Variants in PPP4R3B observed in about 807,000 individuals in gnomAD.
PPP4R3B encodes protein phosphatase 4 regulatory subunit 3B, also known as serine/threonine-protein phosphatase 4 regulatory subunit 3B.
A neutral mutation model predicts 95.4 loss-of-function variants in PPP4R3B; 52 were observed. That is an observed-to-expected ratio of 0.54 (90% confidence interval 0.44 to 0.69). The LOEUF is 0.69. Ranked by LOEUF, PPP4R3B falls within the 30% of genes least tolerant of loss-of-function variation. The pLI, the probability that PPP4R3B is intolerant of heterozygous loss-of-function variation, is 0.00. For missense variants in PPP4R3B, 1,003 were observed against 1,005.9 expected (o/e 1.00, Z 0.04); for synonymous variants, 407 against 343.9 (o/e 1.18, Z -2.03).
intron 9 of PPP4R3B, 128 bp from the exon 10 acceptor site, chr2:55,578,470 T>A: frequency 1.1e-6 from 1 of 930,958 alleles, no homozygotes; most frequent in Non-Finnish European, 1.4e-6. Flanking sequence ...AAAAATGCAT[T>A]ATTTTCATTT....
rs182631918 is a variant in PPP4R3B, at chr2:55,597,945, C to A, written c.921+471G>T. Among the ~76,000 whole-genome samples the A allele has an allele frequency of 2.3e-3, 350 of 152,024 alleles. 1 individual carries two copies. The highest frequency in any genetic ancestry group is 8.0e-3 in the African/African-American group (332 of 41,476). ...AAAATATAAAAGGCTGGGCTGGGCGCGGTGGCTCACGCCTATAATCCCAGC... is the reference window on the plus strand; with the variant it reads ...AAAATATAAAAGGCTGGGCTGGGCGAGGTGGCTCACGCCTATAATCCCAGC... On this transcript the variant is annotated intron_variant, in intron 4 of 16. Transcript: ENST00000616407.
intron 16 of PPP4R3B, among the ~76,000 whole-genome samples, chr2:55,558,113 C>G (rs575842417): frequency 5.3e-5 from 8 of 152,206 alleles, no homozygotes; most frequent in African/African-American, 1.9e-4. Flanking sequence ...ACTGGCAAAG[C>G]TGCAATTGGC....
intron 4 of PPP4R3B, chr2:55,591,686 A>T: frequency 1.0e-6 from 1 of 982,450 alleles, no homozygotes; most frequent in Non-Finnish European, 1.2e-6. Flanking sequence ...TTGTGAGCTG[A>T]TAAGTAGAAC....
intron 4 of PPP4R3B, chr2:55,591,414 A>G (rs1362480422): frequency 3.7e-6 from 2 of 546,154 alleles, no homozygotes; most frequent in Non-Finnish European, 4.7e-6. Flanking sequence ...AAGTGCTAGG[A>G]CTACAGGCAT....
intron 4 of PPP4R3B, among the ~76,000 whole-genome samples, chr2:55,594,159 G>A (rs6745650): frequency 0.091 from 13,799 of 152,092 alleles, 2,136 homozygotes; most frequent in African/African-American, 0.31. Context: ...GGGGTAGGAT[G>A]GGAGAGGACT....
intron 10 of PPP4R3B, 134 bp from the exon 11 acceptor site, chr2:55,577,490 G>C: frequency 1.0e-6 from 1 of 971,820 alleles, no homozygotes; most frequent in Non-Finnish European, 1.3e-6. Flanking sequence ...TAAAGACTTG[G>C]TTGCTTCAGC....
At chr2:55,577,480 T>C in intron 10 of PPP4R3B, 124 bp from the exon 11 acceptor site, 1 of 1,043,334 alleles carries the variant, frequency 9.6e-7, no homozygotes. Flanking sequence ...AAAATAACCA[T>C]AAAGACTTGG....
intron 9 of PPP4R3B, among the ~76,000 whole-genome samples, 180 bp from the exon 10 acceptor site, chr2:55,578,522 G>C (rs1689002166): frequency 6.6e-6 from 1 of 151,932 alleles, no homozygotes; most frequent in African/African-American, 2.4e-5. Flanking sequence ...TCTGCGATGT[G>C]CTTTTGTACC....
At chr2:55,613,457 T>A (rs1004982378) in intron 2 of PPP4R3B, among the ~76,000 whole-genome samples, 4 of 152,152 alleles carry the variant, frequency 2.6e-5, no homozygotes, top group African/African-American at 7.2e-5. Flanking sequence ...GTAATTTTTT[T>A]AAATAATGCA....
At chr2:55,609,413 G>A (rs370809500) in intron 2 of PPP4R3B, among the ~76,000 whole-genome samples, 87 of 152,144 alleles carry the variant, frequency 5.7e-4, no homozygotes, top group African/African-American at 1.9e-3. Flanking sequence ...TGGGTGTGAC[G>A]ACTCATGTCT....
At chr2:55,601,374 C>T (rs1009230930) in intron 3 of PPP4R3B, among the ~76,000 whole-genome samples, 1 of 151,676 alleles carries the variant, frequency 6.6e-6, no homozygotes, top group Non-Finnish European at 1.5e-5. Context: ...ACCAGACCAA[C>T]TGTCTTTTTC....
intron 13 of PPP4R3B, 99 bp downstream of exon 13, chr2:55,568,095 A>G: frequency 1.3e-6 from 1 of 782,654 alleles, no homozygotes. Flanking sequence ...TTCAGGGGTG[A>G]AAAGGGAATG....
At chr2:55,583,943 T>C (rs969001193) in intron 7 of PPP4R3B, among the ~76,000 whole-genome samples, 4 of 152,170 alleles carry the variant, frequency 2.6e-5, no homozygotes, top group African/African-American at 7.2e-5. Context: ...TGGTGGCTCA[T>C]GCCTTTAATC....
At position 55,595,229 on chromosome 2, in the gene PPP4R3B, G is replaced by T. The variant is rs190731306; in HGVS notation, c.921+3187C>A. Among the ~76,000 whole-genome samples, 41 of 151,848 alleles carry T rather than the reference G, an allele frequency of 2.7e-4. No individual in the cohort carries two copies. The East Asian group carries it at 5.5e-3, about 20-fold the overall frequency. On this transcript the variant is annotated intron_variant, in intron 4 of 16. Coordinates refer to ENST00000616407, the MANE Select transcript of PPP4R3B (RefSeq NM_001122964.3). ...AGTAGAGATGGAGTTTCGCCATGTT[G>T]GTCAGGCTGGTCTCAAACTCCTGAC...
intron 2 of PPP4R3B, chr2:55,615,237 T>A (rs1694726125): frequency 3.9e-6 from 2 of 506,716 alleles, no homozygotes; most frequent in Non-Finnish European, 7.0e-6. Flanking sequence ...CATCTTAGAA[T>A]AAACCGACAG....
chr2:55,608,771 C>T (rs998303098), intron 2 of PPP4R3B, among the ~76,000 whole-genome samples: 8 of 152,090 alleles, frequency 5.3e-5, no homozygotes, highest in African/African-American at 1.7e-4. Context: ...AATTGTTAAG[C>T]GCAGGAGTTT....
At chr2:55,581,723 A>AAACAT in intron 7 of PPP4R3B, 25 bp from the exon 8 acceptor site, 1 of 1,605,268 alleles carries the variant, frequency 6.2e-7, no homozygotes. Context: ...AAACAAAACA[A>AAACAT]AACATGTTTC....
At chr2:55,606,999 C>A (rs575781741) in intron 2 of PPP4R3B, among the ~76,000 whole-genome samples, 4 of 152,062 alleles carry the variant, frequency 2.6e-5, no homozygotes, top group Non-Finnish European at 4.4e-5. Context: ...GTACTTATAT[C>A]ATCATCAACC....
rs1258264713 is a variant in PPP4R3B, at chr2:55,549,865, T to C, written c.*46A>G. ...TTCAGATTTTCAGCTCACTGAACAG[T>C]TGCAGCATTGTAAGACCACATGTTG... On this transcript the variant is annotated 3_prime_UTR_variant, in exon 17 of 17. Coordinates refer to ENST00000616407, the MANE Select transcript of PPP4R3B (RefSeq NM_001122964.3). 17 of 1,374,476 alleles carry C rather than the reference T, an allele frequency of 1.2e-5. No individual in the cohort carries two copies. Among genetic ancestry groups the C allele is most frequent in the African/African-American group, 1.4e-5 (1 of 70,312 alleles). The allele number at this position is 1,374,476 out of a possible 1,614,324, so 85.1% of individuals were successfully genotyped here. A position where few individuals can be genotyped will look rare whatever the true frequency, so the allele number is the denominator to read the frequency against.
Sources: allele counts gnomAD v4.1 joint callset (sites outside exome capture counted in the v4.1 genomes callset), GRCh38; gene constraint gnomAD v4.1.1; transcripts MANE v1.5; gene names NCBI Gene and HGNC (gene_info 2026-07-23, HGNC 2026-07-21).